STX3: variants seen among roughly 807,000 people sequenced by gnomAD.
The protein encoded by STX3 is syntaxin-3.
In STX3, 19 loss-of-function variants were observed where a neutral mutation model predicts 40.2. The ratio of observed to expected loss-of-function variants is 0.47; its 90% CI spans 0.33 to 0.69. STX3 has a LOEUF of 0.69. STX3 is among the 30% of genes least tolerant of loss of function. STX3 has a pLI of 0.02. For synonymous variants in STX3, 122 were observed against 132.2 expected (o/e 0.92, Z 0.53); for missense variants, 364 against 366.7 (o/e 0.99, Z 0.06).
At chr11:59,780,652 G>T (rs1186094738) in intron 2 of STX3, among the ~76,000 whole-genome samples, 2 of 152,074 alleles carry the variant, frequency 1.3e-5, no homozygotes, top group Non-Finnish European at 2.9e-5. Context: ...CTCCACCATG[G>T]TCTGGTCCCC....
chr11:59,763,721 T>G (rs948775494), intron 1 of STX3, among the ~76,000 whole-genome samples: 4 of 152,170 alleles, frequency 2.6e-5, no homozygotes, highest in African/African-American at 9.7e-5. Context: ...ACAAACTATT[T>G]AGAAATAAAT....
At chr11:59,768,769 G>A (rs1863407820) in intron 1 of STX3, among the ~76,000 whole-genome samples, 1 of 152,048 alleles carries the variant, frequency 6.6e-6, no homozygotes, top group African/African-American at 2.4e-5. Context: ...TTGGACCAGA[G>A]AGATAATGGA....
intron 8 of STX3, among the ~76,000 whole-genome samples, chr11:59,794,642 A>G (rs2083805622): frequency 6.6e-6 from 1 of 152,226 alleles, no homozygotes; most frequent in South Asian, 2.1e-4. Flanking sequence ...ACAGACTGCC[A>G]TAAAGTGATA....
intron 10 of STX3, chr11:59,800,345 G>A (rs1431651881): frequency 3.0e-6 from 3 of 985,196 alleles, no homozygotes; most frequent in African/African-American, 1.7e-5. Flanking sequence ...TTTACAGACG[G>A]GGAAAGAGCA....
Position 59,802,248 on chromosome 11 carries a change from A to C in STX3, c.*1424A>C. 2 of 985,540 alleles carry C rather than the reference A, an allele frequency of 2.0e-6. No homozygotes were observed. The highest frequency in any genetic ancestry group is 2.4e-6 in the Non-Finnish European group (2 of 829,998). The allele number at this position is 985,540 out of a possible 1,614,324, so 61.0% of individuals were successfully genotyped here. ...TTCTTATCATGGAAACAGCAGCAGC[A>C]GCCGCTAGGAAATCTTCAAGTGTAG... On this transcript the variant is annotated 3_prime_UTR_variant, in exon 11 of 11. Transcript: ENST00000337979.
At chr11:59,761,842 T>C (rs546340436) in intron 1 of STX3, among the ~76,000 whole-genome samples, 1 of 152,216 alleles carries the variant, frequency 6.6e-6, no homozygotes, top group East Asian at 1.9e-4. Context: ...AATAAATTTT[T>C]AAGTTTTAGC....
In STX3 at chr11:59,788,834, C is replaced by T. The variant is rs375331690; in HGVS notation, c.215-39C>T. On this transcript the variant is annotated intron_variant, in intron 3 of 10. Coordinates refer to ENST00000337979, the MANE Select transcript of STX3 (RefSeq NM_004177.5). ...TGTAGTTCACAAAGGAATCAGTCCT[C>T]TCCTTTCTAACGGATTCTGCCTGCC... is the stretch of plus-strand genomic sequence containing the variant. 3.2e-6 allele frequency: 5 copies of T among 1,566,882 alleles called. No individual in the cohort carries two copies. In the African/African-American group the frequency reaches 5.4e-5, roughly 17 times the overall value.
In STX3 at chr11:59,800,938, C is replaced by T. The variant is rs1296958446; in HGVS notation, c.*114C>T. 16 of 1,535,946 alleles carry T rather than the reference C, an allele frequency of 1.0e-5. No individual in the cohort carries two copies. In the East Asian group the frequency reaches 1.7e-4, roughly 16 times the overall value. On this transcript the variant is annotated 3_prime_UTR_variant, in exon 11 of 11. Transcript: ENST00000337979. Reference sequence around the variant, plus strand: ...TGAATGGCCTTCCTGAGAGCGAGTGCGACCCGTTCCTTTGTTTCCTTGCAA... The same window carrying T: ...TGAATGGCCTTCCTGAGAGCGAGTGTGACCCGTTCCTTTGTTTCCTTGCAA...
At chr11:59,773,510 A>G (rs977369917) in intron 2 of STX3, among the ~76,000 whole-genome samples, 1 of 152,226 alleles carries the variant, frequency 6.6e-6, no homozygotes, top group Non-Finnish European at 1.5e-5. Context: ...CAGAGGGTCA[A>G]TTATATGTAA....
At chr11:59,791,095 G>A (rs79197850) in intron 5 of STX3, among the ~76,000 whole-genome samples, 1 of 152,120 alleles carries the variant, frequency 6.6e-6, no homozygotes, top group African/African-American at 2.4e-5. Flanking sequence ...CAGGAAGAAT[G>A]GGGGGTAGCC....
chr11:59,778,744 T>G (rs951264406), intron 2 of STX3, among the ~76,000 whole-genome samples: 23 of 152,220 alleles, frequency 1.5e-4, no homozygotes, highest in African/African-American at 5.5e-4. Flanking sequence ...TCAGCTTAAC[T>G]TGGCTATCCT....
At position 59,773,324 on chromosome 11, in the gene STX3, AT is replaced by A. The variant is rs749810981; in HGVS notation, c.114+31del. ...GCAACCTTCCTGTATTTTTTTCTAA[AT>A]GTACATAAGGAAACACTATTTCCTT... is the stretch of plus-strand genomic sequence containing the variant. On this transcript the variant is annotated intron_variant, in intron 2 of 10. Coordinates refer to ENST00000337979, the MANE Select transcript of STX3 (RefSeq NM_004177.5). 3.2e-5 allele frequency: 51 copies of A among 1,608,096 alleles called. No homozygotes were observed. The African/African-American group carries it at 6.8e-4, about 22-fold the overall frequency.
chr11:59,755,297 T>G, upstream of STX3: 1 of 241,812 alleles, frequency 4.1e-6, no homozygotes, highest in Non-Finnish European at 7.8e-6. Flanking sequence ...GCGGGCCCTT[T>G]AAGAAGGAGC....
chr11:59,791,414 C>A (rs12290453), intron 5 of STX3, among the ~76,000 whole-genome samples: 7,104 of 152,046 alleles, frequency 0.047, 215 homozygotes, highest in African/African-American at 0.061. Context: ...CTTCAGGCGG[C>A]AGTATATTAG....
chr11:59,779,442 C>T (rs529748586), intron 2 of STX3, among the ~76,000 whole-genome samples: 1 of 152,328 alleles, frequency 6.6e-6, no homozygotes, highest in South Asian at 2.1e-4. Context: ...CCAAAGGTCC[C>T]ATCTCCCTCT....
intron 1 of STX3, among the ~76,000 whole-genome samples, chr11:59,756,654 T>C (rs568771289): frequency 6.6e-6 from 1 of 152,332 alleles, no homozygotes; most frequent in South Asian, 2.1e-4. Context: ...ACATTACAGT[T>C]TGGGAAGCAC....
At chr11:59,791,200 T>C (rs1865136095) in intron 5 of STX3, among the ~76,000 whole-genome samples, 1 of 152,100 alleles carries the variant, frequency 6.6e-6, no homozygotes, top group Admixed American at 6.5e-5. Context: ...CACGCACATA[T>C]GTGTGTGTTG....
rs889878656 is a variant in STX3 at position 59,755,432 on chromosome 11, C to G, written c.-174C>G. 3 of 599,090 alleles carry G rather than the reference C, an allele frequency of 5.0e-6. No homozygotes were observed. The highest frequency in any genetic ancestry group is 7.6e-6 in the Non-Finnish European group (3 of 395,752). 37.1% of individuals were successfully genotyped at this position (599,090 alleles called of 1,614,324 possible). A position where few individuals can be genotyped will look rare whatever the true frequency, so the allele number is the denominator to read the frequency against. On this transcript the variant is annotated 5_prime_UTR_variant, in exon 1 of 11. Coordinates refer to ENST00000337979, the MANE Select transcript of STX3 (RefSeq NM_004177.5). ...GAGGGGGCTGCGCGGCGGAGGCTCC[C>G]GTGGCCTCGGACGCTCCTCCTAGCT...
At chr11:59,779,660 A>AT (rs2134960485) in intron 2 of STX3, among the ~76,000 whole-genome samples, 1 of 152,308 alleles carries the variant, frequency 6.6e-6, no homozygotes, top group Admixed American at 6.5e-5. Context: ...ATGAATATCA[A>AT]GTAGTCTAAG....
Sources: allele counts gnomAD v4.1 joint callset (sites outside exome capture counted in the v4.1 genomes callset), GRCh38; gene constraint gnomAD v4.1.1; transcripts MANE v1.5; gene names NCBI Gene and HGNC (gene_info 2026-07-23, HGNC 2026-07-21).